The following CTNNA2 variants were observed in gnomAD, a reference collection of about 807,000 sequenced individuals.
CTNNA2 encodes catenin alpha-2.
In CTNNA2, 42 loss-of-function variants were observed where a neutral mutation model predicts 101.0. The observed-to-expected ratio is 0.42, with a 90% CI of 0.32 to 0.54. CTNNA2 has a LOEUF of 0.54. Among genes scored for constraint, CTNNA2 ranks in the 20% least tolerant of loss-of-function variants. CTNNA2 has a pLI of 0.14. For missense variants in CTNNA2, 871 were observed against 1,223.1 expected (o/e 0.71, Z 4.29); for synonymous variants, 450 against 456.4 (o/e 0.99, Z 0.18).
chr2:80,480,855 A>T (rs918202309), intron 9 of CTNNA2, among the ~76,000 whole-genome samples: 1 of 152,128 alleles, frequency 6.6e-6, no homozygotes, highest in South Asian at 2.1e-4. Flanking sequence ...ACCTAGAGAA[A>T]TAAATGTGTA....
chr2:80,008,878 AC>A (rs1200726096), intron 7 of CTNNA2, among the ~76,000 whole-genome samples: 4 of 152,202 alleles, frequency 2.6e-5, no homozygotes, highest in African/African-American at 9.6e-5. Flanking sequence ...CTTATTTAGC[AC>A]ATGATACTGA....
intron 7 of CTNNA2, among the ~76,000 whole-genome samples, chr2:80,116,452 G>A (rs116315520): frequency 0.014 from 2,150 of 151,962 alleles, 41 homozygotes; most frequent in African/African-American, 0.048. Flanking sequence ...ACAGAGTGGT[G>A]CAGTTACCAA....
At chr2:80,539,612 A>G (rs1419935507) in intron 9 of CTNNA2, among the ~76,000 whole-genome samples, 4 of 152,152 alleles carry the variant, frequency 2.6e-5, no homozygotes, top group African/African-American at 9.7e-5. Flanking sequence ...ATGGCTGCTA[A>G]GCTTCCTCCT....
At chr2:79,886,114 A>G (rs1304347812) in intron 6 of CTNNA2, among the ~76,000 whole-genome samples, 1 of 152,236 alleles carries the variant, frequency 6.6e-6, no homozygotes, top group African/African-American at 2.4e-5. Context: ...GCTTACGTAT[A>G]TAGTATCCAC....
chr2:80,464,578 A>T (rs1179654707), intron 9 of CTNNA2, among the ~76,000 whole-genome samples: 1 of 152,168 alleles, frequency 6.6e-6, no homozygotes, highest in African/African-American at 2.4e-5. Flanking sequence ...GGTGTCTGTA[A>T]TAATGGCTGA....
intron 3 of CTNNA2, among the ~76,000 whole-genome samples, chr2:79,317,186 T>G (rs777243335): frequency 1.3e-5 from 2 of 152,064 alleles, no homozygotes; most frequent in Non-Finnish European, 2.9e-5. Flanking sequence ...TTGTTCTTTG[T>G]TCTACTGATG....
intron 3 of CTNNA2, among the ~76,000 whole-genome samples, chr2:79,326,733 C>A (rs977200282): frequency 2.0e-5 from 3 of 152,142 alleles, no homozygotes; most frequent in African/African-American, 7.2e-5. Context: ...TATAAGAGAT[C>A]TAGAAAACTA....
chr2:79,782,832 A>C (rs1025702499), intron 3 of CTNNA2, among the ~76,000 whole-genome samples: 8 of 152,286 alleles, frequency 5.3e-5, no homozygotes, highest in Non-Finnish European at 1.2e-4. Flanking sequence ...CCATTTCCAA[A>C]AAAAAGGGAA....
intron 1 of CTNNA2, among the ~76,000 whole-genome samples, chr2:79,196,799 G>A (rs1477586623): frequency 6.6e-6 from 1 of 152,168 alleles, no homozygotes; most frequent in African/African-American, 2.4e-5. Context: ...GACTTGCAAA[G>A]TTTTCTTGTT....
intron 7 of CTNNA2, among the ~76,000 whole-genome samples, chr2:80,181,255 G>T (rs1705757524): frequency 6.6e-6 from 1 of 152,134 alleles, no homozygotes; most frequent in Non-Finnish European, 1.5e-5. Flanking sequence ...GGCAGTACAG[G>T]ATTAATCTCT....
intron 6 of CTNNA2, among the ~76,000 whole-genome samples, chr2:79,894,738 A>G (rs563310946): frequency 6.6e-6 from 1 of 152,248 alleles, no homozygotes; most frequent in Non-Finnish European, 1.5e-5. Flanking sequence ...CTTCTATGCT[A>G]CTATTGTACT....
chr2:80,225,421 T>G (rs1279751903), intron 7 of CTNNA2, among the ~76,000 whole-genome samples: 1 of 152,132 alleles, frequency 6.6e-6, no homozygotes, highest in African/African-American at 2.4e-5. Flanking sequence ...TGCTGTGAAA[T>G]CAGTTGTTCC....
intron 18 of CTNNA2, among the ~76,000 whole-genome samples, chr2:80,621,475 A>G (rs150632825): frequency 1.2e-4 from 18 of 152,062 alleles, no homozygotes; most frequent in African/African-American, 4.3e-4. Context: ...CTAAATCTAA[A>G]CCACTTAGAA....
intron 17 of CTNNA2, among the ~76,000 whole-genome samples, chr2:80,612,697 C>T (rs1469117363): frequency 2.0e-5 from 3 of 151,374 alleles, no homozygotes; most frequent in Non-Finnish European, 3.0e-5. Context: ...GCCATTGAAA[C>T]AAGAATTGCA....
intron 1 of CTNNA2, among the ~76,000 whole-genome samples, chr2:79,555,472 AGAG>A (rs1674385760): frequency 6.6e-6 from 1 of 152,172 alleles, no homozygotes; most frequent in Admixed American, 6.6e-5. Flanking sequence ...CGAATTTAGA[AGAG>A]GCAGTCATGG....
chr2:79,325,883 A>G (rs1185619480), intron 3 of CTNNA2, among the ~76,000 whole-genome samples: 1 of 152,172 alleles, frequency 6.6e-6, no homozygotes, highest in African/African-American at 2.4e-5. Flanking sequence ...TTTGATCATC[A>G]TATTTTTGTG....
intron 2 of CTNNA2, among the ~76,000 whole-genome samples, chr2:79,276,083 C>G (rs1411690836): frequency 6.6e-6 from 1 of 151,918 alleles, no homozygotes; most frequent in Non-Finnish European, 1.5e-5. Flanking sequence ...GAAAAGGGAA[C>G]AGAATACGCA....
At chr2:79,773,961 G>T (rs1673778354) in intron 3 of CTNNA2, among the ~76,000 whole-genome samples, 1 of 152,110 alleles carries the variant, frequency 6.6e-6, no homozygotes, top group African/African-American at 2.4e-5. Flanking sequence ...TCCCCTTTTG[G>T]TAGATTGTTT....
intron 2 of CTNNA2, among the ~76,000 whole-genome samples, chr2:79,271,421 A>C (rs907338096): frequency 6.6e-6 from 1 of 152,108 alleles, no homozygotes; most frequent in Non-Finnish European, 1.5e-5. Flanking sequence ...AAAGACTGAT[A>C]GCGAGAGAGC....
Sources: gnomAD v4.1 joint callset for allele counts (sites outside exome capture counted in the v4.1 genomes callset) on GRCh38, gnomAD v4.1.1 for gene constraint, MANE v1.5 for transcripts, NCBI Gene and HGNC (gene_info 2026-07-23, HGNC 2026-07-21) for gene names.